Variants in PON2 observed in about 807,000 individuals in gnomAD.
PON2 encodes serum paraoxonase/arylesterase 2.
Under a neutral mutation model 36.6 loss-of-function variants are expected in PON2, and 27 were observed. The ratio of observed to expected loss-of-function variants is 0.74; its 90% CI spans 0.54 to 1.02. The LOEUF (loss-of-function observed/expected upper bound fraction) is 1.02. PON2 is among the 50% of genes least tolerant of loss of function. The probability of loss-of-function intolerance (pLI) is 0.00; values close to 1 mark genes in which losing one functional copy is unlikely to be tolerated. For missense variants in PON2, 363 were observed against 421.1 expected, an observed-to-expected ratio of 0.86 and a Z score of 1.21; for synonymous variants, 149 against 156.3, an observed-to-expected ratio of 0.95 and a Z score of 0.35.
intron 6 of PON2, among the ~76,000 whole-genome samples, chr7:95,407,867 TAA>T (rs937711531): frequency 5.3e-5 from 8 of 151,930 alleles, no homozygotes; most frequent in African/African-American, 1.9e-4. Context: ...AGTGGCTGTG[TAA>T]AGAGAGATGA....
intron 6 of PON2, among the ~76,000 whole-genome samples, 196 bp from the exon 7 acceptor site, chr7:95,407,264 AATT>A (rs1192855580): frequency 6.6e-6 from 1 of 152,208 alleles, no homozygotes; most frequent in Non-Finnish European, 1.5e-5. Flanking sequence ...ACAATCATGG[AATT>A]ATTAAATTGT....
intron 3 of PON2, 59 bp from the exon 4 acceptor site, chr7:95,412,536 A>T: frequency 1.3e-6 from 2 of 1,527,570 alleles, no homozygotes; most frequent in Non-Finnish European, 1.8e-6. Flanking sequence ...ATGGACTAAC[A>T]TGGGAACTGT....
In PON2 at chr7:95,409,963, T is replaced by C; in HGVS notation, c.633A>G (p.Glu211=). 6.2e-7 allele frequency: 1 copy of C among 1,613,964 alleles called. No homozygotes were observed. The highest frequency in any genetic ancestry group is 8.5e-7 in the Non-Finnish European group (1 of 1,179,906). ...WANVVYYSPN[E]VKVVAEGFDS... Reference sequence around the variant, plus strand: ...CAAATCCTTCTGCTACCACTTTAACTTCATTTGGACTGTAGTAAACAACAT... The same window carrying C: ...CAAATCCTTCTGCTACCACTTTAACCTCATTTGGACTGTAGTAAACAACAT... Residue 211 remains glutamate, a synonymous_variant, in exon 6 of 9, where the codon GAA becomes GAG. Coordinates refer to ENST00000222572, the MANE Select transcript of PON2 (RefSeq NM_000305.3).
chr7:95,427,769 G>T (rs575704992), intron 1 of PON2, among the ~76,000 whole-genome samples: 1 of 152,182 alleles, frequency 6.6e-6, no homozygotes, highest in Admixed American at 6.5e-5. Flanking sequence ...GTTACTTGTG[G>T]CTGGAAGCAA....
intron 6 of PON2, 43 bp from the exon 7 acceptor site, chr7:95,407,111 A>G (rs1233260679): frequency 8.0e-7 from 1 of 1,252,196 alleles, no homozygotes; most frequent in Non-Finnish European, 1.2e-6. Flanking sequence ...ATGCCAATAT[A>G]AAGCTTCATT....
chr7:95,433,654 C>T (rs1352109582), intron 1 of PON2, among the ~76,000 whole-genome samples: 1 of 152,232 alleles, frequency 6.6e-6, no homozygotes, highest in Non-Finnish European at 1.5e-5. Context: ...CTATCCTTCC[C>T]ACCACCCTAC....
chr7:95,433,096 T>C (rs1220241430), intron 1 of PON2, among the ~76,000 whole-genome samples: 2 of 152,236 alleles, frequency 1.3e-5, no homozygotes, highest in African/African-American at 2.4e-5. Context: ...CCACTGTTCT[T>C]ACATTATGCA....
intron 3 of PON2, chr7:95,415,233 G>C (rs1462895375): frequency 6.6e-6 from 1 of 152,174 alleles, no homozygotes; most frequent in African/African-American, 2.4e-5. Flanking sequence ...GCCCAAGCCA[G>C]GGAGGTAGGT....
chr7:95,425,916 A>C (rs1750588883), intron 1 of PON2, among the ~76,000 whole-genome samples: 1 of 152,172 alleles, frequency 6.6e-6, no homozygotes, highest in Admixed American at 6.5e-5. Flanking sequence ...AAATAATACA[A>C]ATTTTTAAAT....
At chr7:95,420,747 A>G (rs1384398640) in intron 2 of PON2, among the ~76,000 whole-genome samples, 1 of 152,194 alleles carries the variant, frequency 6.6e-6, no homozygotes, top group African/African-American at 2.4e-5. Context: ...TCAAGTGCAT[A>G]GCTACTACTG....
chr7:95,418,618 C>A (rs1789124063), intron 2 of PON2, among the ~76,000 whole-genome samples: 1 of 152,106 alleles, frequency 6.6e-6, no homozygotes, highest in African/African-American at 2.4e-5. Flanking sequence ...CTTTCAAAAC[C>A]TTTTCTGTCT....
chr7:95,420,371 A>C (rs1347869766), intron 2 of PON2, among the ~76,000 whole-genome samples: 2 of 152,202 alleles, frequency 1.3e-5, no homozygotes, highest in Non-Finnish European at 2.9e-5. Flanking sequence ...TTTAAGCCTC[A>C]AATAAAGTTA....
At chr7:95,420,989 GA>G (rs3216253) in intron 2 of PON2, among the ~76,000 whole-genome samples, 5 of 145,370 alleles carry the variant, frequency 3.4e-5, no homozygotes, top group African/African-American at 1.0e-4. Context: ...AAGCAAAAAA[GA>G]AAAAAAAAAG....
chr7:95,432,683 T>C (rs898212291), intron 1 of PON2, among the ~76,000 whole-genome samples: 1 of 152,172 alleles, frequency 6.6e-6, no homozygotes, highest in East Asian at 1.9e-4. Context: ...GGACAGATCA[T>C]ATACAAAGTC....
intron 6 of PON2, among the ~76,000 whole-genome samples, chr7:95,409,291 G>A (rs534857128): frequency 1.3e-5 from 2 of 151,588 alleles, no homozygotes; most frequent in African/African-American, 2.4e-5. Flanking sequence ...CAGCCTGGGC[G>A]ACGGAGTGAG....
intron 1 of PON2, among the ~76,000 whole-genome samples, chr7:95,425,211 T>A (rs1216864701): frequency 6.6e-6 from 1 of 152,224 alleles, no homozygotes; most frequent in Non-Finnish European, 1.5e-5. Context: ...CAGTGAATTC[T>A]GAGATTTTAG....
rs1421541802 is a variant in PON2, at chr7:95,409,929, T to G, written c.667A>C (p.Asn223His). The change falls in exon 6 of 9, where the codon AAT becomes CAT. Residue 223 changes from asparagine (N) to histidine (H), a missense_variant. Coordinates refer to ENST00000222572, the MANE Select transcript of PON2 (RefSeq NM_000305.3). ...KVVAEGFDSANGINISPDDKY... is the reference protein window; with the variant it reads ...KVVAEGFDSAHGINISPDDKY... ...TCATCAGGTGAAATATTGATCCCATTTGCTGAATCAAATCCTTCTGCTACC... is the reference window on the plus strand; with the variant it reads ...TCATCAGGTGAAATATTGATCCCATGTGCTGAATCAAATCCTTCTGCTACC... The G allele has an allele frequency of 1.9e-6, 3 of 1,613,672 alleles. No individual in the cohort carries two copies. Among genetic ancestry groups the G allele is most frequent in the Non-Finnish European group, 2.5e-6 (3 of 1,179,836 alleles).
At chr7:95,424,441 A>G in intron 2 of PON2, 74 bp downstream of exon 2, 1 of 1,193,494 alleles carries the variant, frequency 8.4e-7, no homozygotes. Flanking sequence ...TCATGCTAAA[A>G]TGCCATTAAT....
In PON2 at chr7:95,434,978, G is replaced by T; in HGVS notation, c.-27C>A. 6.6e-7 allele frequency: 1 copy of T among 1,515,944 alleles called. No individual in the cohort carries two copies. Among genetic ancestry groups the T allele is most frequent in the Non-Finnish European group, 8.8e-7 (1 of 1,137,938 alleles). 93.9% of individuals were successfully genotyped at this position (1,515,944 alleles called of 1,614,324 possible). ...GCGCGGGAGCCGGGCGCGCTGCCTC[G>T]CTCCGGCCTGGCCAGCAGCTCCGTG... On this transcript the variant is annotated 5_prime_UTR_variant, in exon 1 of 9. Coordinates refer to ENST00000222572, the MANE Select transcript of PON2 (RefSeq NM_000305.3).
Sources: gnomAD v4.1 joint callset for allele counts (sites outside exome capture counted in the v4.1 genomes callset) on GRCh38, gnomAD v4.1.1 for gene constraint, MANE v1.5 for transcripts, NCBI Gene and HGNC (gene_info 2026-07-23, HGNC 2026-07-21) for gene names.